Variants in SLC44A5 observed in about 807,000 individuals in gnomAD.
SLC44A5 encodes the protein choline transporter-like protein 5.
A neutral mutation model predicts 101.8 loss-of-function variants in SLC44A5; 57 were observed. That is an observed-to-expected ratio of 0.56 (90% CI 0.45 to 0.70). The LOEUF (loss-of-function observed/expected upper bound fraction) is 0.70, where lower values mean the gene tolerates loss of function less well. Among genes scored for constraint, SLC44A5 ranks in the 30% least tolerant of loss-of-function variants. The pLI is 0.00. For missense variants in SLC44A5, 737 were observed against 853.1 expected, an observed-to-expected ratio of 0.86 and a Z score of 1.70; for synonymous variants, 281 against 290.9, an observed-to-expected ratio of 0.97 and a Z score of 0.35.
chr1:75,439,385 C>T (rs1198742656), intron 2 of SLC44A5, among the ~76,000 whole-genome samples: 1 of 152,006 alleles, frequency 6.6e-6, no homozygotes, highest in Non-Finnish European at 1.5e-5. Flanking sequence ...AAGTAACTAA[C>T]AAAACTTTTA....
At chr1:75,593,529 T>G (rs922995324) in intron 1 of SLC44A5, among the ~76,000 whole-genome samples, 1 of 152,142 alleles carries the variant, frequency 6.6e-6, no homozygotes, top group Admixed American at 6.6e-5. Context: ...AAGAGATATA[T>G]GCACTCTTAT....
At chr1:75,706,747 T>C in the SLC44A5 span, among the ~76,000 whole-genome samples, 43 of 152,202 alleles carry the variant, frequency 2.8e-4, no homozygotes, top group Non-Finnish European at 5.6e-4. Context: ...TCTGTCATAT[T>C]ATCCCATGTG....
At chr1:75,661,100 G>A in the SLC44A5 span, among the ~76,000 whole-genome samples, 340 of 152,052 alleles carry the variant, frequency 2.2e-3, 2 homozygotes, top group African/African-American at 7.3e-3. Context: ...CTACAAAAGC[G>A]TAGTAACCAA....
chr1:75,457,107 T>C (rs956061227), intron 2 of SLC44A5, among the ~76,000 whole-genome samples: 4 of 152,200 alleles, frequency 2.6e-5, no homozygotes, highest in Non-Finnish European at 5.9e-5. Flanking sequence ...AAATACTATG[T>C]AGGTAAGCAT....
At chr1:75,313,161 T>A (rs896208872) in intron 4 of SLC44A5, among the ~76,000 whole-genome samples, 1 of 152,162 alleles carries the variant, frequency 6.6e-6, no homozygotes, top group Non-Finnish European at 1.5e-5. Flanking sequence ...CTCCCACACA[T>A]GTCTGTTTTC....
In SLC44A5 at chr1:75,258,396, T is replaced by TACAAAGTGGTTGGGA. The variant is rs1553150409; in HGVS notation, c.261-7103_261-7102insTCCCAACCACTTTGT. 2.0e-5 allele frequency among the ~76,000 whole-genome samples: 3 copies of TACAAAGTGGTTGGGA among 151,266 alleles called. No individual in the cohort carries two copies. In the East Asian group the frequency reaches 5.9e-4, roughly 30 times the overall value. On this transcript the variant is annotated intron_variant, in intron 6 of 23. Coordinates refer to ENST00000370859, the MANE Select transcript of SLC44A5 (RefSeq NM_001130058.2). ...TTGCTGTGGCTTGAGTAGGTGGTTT[T>TACAAAGTGGTTGGGA]ACAAAGTCGTTGGGAAGTTGGAACT...
At chr1:75,417,029 T>G (rs1570211538) in intron 2 of SLC44A5, among the ~76,000 whole-genome samples, 1 of 152,238 alleles carries the variant, frequency 6.6e-6, no homozygotes, top group South Asian at 2.1e-4. Flanking sequence ...GGGGAACTGT[T>G]GGGAGGGCAT....
At chr1:75,377,250 G>A (rs1039366738) in intron 3 of SLC44A5, among the ~76,000 whole-genome samples, 2 of 130,386 alleles carry the variant, frequency 1.5e-5, no homozygotes, top group Non-Finnish European at 3.2e-5. Context: ...CGTGTGCTGT[G>A]TCAACTCAGA....
At chr1:75,311,116 C>CTTTTTTTTTTTTTTT in intron 4 of SLC44A5, among the ~76,000 whole-genome samples, 1 of 146,816 alleles carries the variant, frequency 6.8e-6, no homozygotes, top group Non-Finnish European at 1.5e-5. Context: ...AAAATAGCAT[C>CTTTTTTTTTTTTTTT]TTTTTTTTTT....
chr1:75,203,948 T>TTTG (rs1646705764), intron 23 of SLC44A5, 115 bp from the exon 24 acceptor site: 8 of 1,304,764 alleles, frequency 6.1e-6, no homozygotes, highest in African/African-American at 6.1e-5. Flanking sequence ...TTGTTTTTTT[T>TTTG]TTGTTGTTGT....
Position 75,282,105 on chromosome 1 carries a change from T to C in SLC44A5, c.176-7063A>G, listed in dbSNP as rs539908608. On this transcript the variant is annotated intron_variant, in intron 5 of 23. Coordinates refer to ENST00000370859, the MANE Select transcript of SLC44A5 (RefSeq NM_001130058.2). ...CAGTGACAACAGCTGGAAAGGGGGC[T>C]GTACTCTGCCAAGTCACAGGGGTGG... 2.0e-5 allele frequency among the ~76,000 whole-genome samples: 3 copies of C among 152,338 alleles called. No homozygotes were observed. The South Asian group carries it at 6.2e-4, about 32-fold the overall frequency.
intron 2 of SLC44A5, among the ~76,000 whole-genome samples, chr1:75,486,645 A>G (rs1448272097): frequency 6.6e-6 from 1 of 152,228 alleles, no homozygotes; most frequent in Non-Finnish European, 1.5e-5. Context: ...TCCAAATGGG[A>G]GAAATTGGCC....
At chr1:75,284,933 G>A (rs1364045126) in intron 5 of SLC44A5, among the ~76,000 whole-genome samples, 1 of 152,032 alleles carries the variant, frequency 6.6e-6, no homozygotes, top group Admixed American at 6.6e-5. Context: ...GAGGATTTTT[G>A]CATCTGTGTT....
At chr1:75,656,532 CAG>C in the SLC44A5 span, among the ~76,000 whole-genome samples, 2 of 152,154 alleles carry the variant, frequency 1.3e-5, no homozygotes, top group African/African-American at 2.4e-5. Flanking sequence ...AGTTAAAGTA[CAG>C]AGTGTTATAA....
At chr1:75,287,335 C>T (rs1361940308) in intron 5 of SLC44A5, among the ~76,000 whole-genome samples, 1 of 148,568 alleles carries the variant, frequency 6.7e-6, no homozygotes. Flanking sequence ...TTTTTCTGTT[C>T]ATATTCTGTA....
intron 2 of SLC44A5, among the ~76,000 whole-genome samples, chr1:75,405,289 C>A (rs1557750993): frequency 2.0e-5 from 3 of 152,136 alleles, no homozygotes; most frequent in Non-Finnish European, 1.5e-5. Context: ...CAATATTAAA[C>A]AGATCAATGA....
the SLC44A5 span, among the ~76,000 whole-genome samples, chr1:75,640,287 GTCTC>G: frequency 1.3e-5 from 2 of 152,132 alleles, no homozygotes; most frequent in South Asian, 2.1e-4. Context: ...AGCCAGCTGG[GTCTC>G]TCTCTATGAG....
chr1:75,322,396 T>TA (rs1557661363), intron 4 of SLC44A5, among the ~76,000 whole-genome samples: 10 of 146,416 alleles, frequency 6.8e-5, no homozygotes, highest in African/African-American at 2.1e-4. Flanking sequence ...CTCCCTCTTT[T>TA]TAAAAAAAAA....
At chr1:75,576,516 C>A (rs1047395615) in intron 1 of SLC44A5, among the ~76,000 whole-genome samples, 1 of 151,962 alleles carries the variant, frequency 6.6e-6, no homozygotes, top group East Asian at 1.9e-4. Flanking sequence ...GACGGGGTTT[C>A]ACCGTGTTAG....
Sources: gnomAD v4.1 joint callset for allele counts (sites outside exome capture counted in the v4.1 genomes callset) on GRCh38, gnomAD v4.1.1 for gene constraint, MANE v1.5 for transcripts, NCBI Gene and HGNC (gene_info 2026-07-23, HGNC 2026-07-21) for gene names.